MAGI3: variants seen among roughly 807,000 people sequenced by gnomAD.
MAGI3 encodes the protein membrane associated guanylate kinase, WW and PDZ domain containing 3, also known as membrane-associated guanylate kinase, WW and PDZ domain-containing protein 3.
In MAGI3, 43 loss-of-function variants were observed where a neutral mutation model predicts 121.8. The observed-to-expected ratio is 0.35, with a 90% CI of 0.28 to 0.46. The LOEUF (loss-of-function observed/expected upper bound fraction) is 0.46, where lower values mean the gene tolerates loss of function less well. MAGI3 is among the 20% of genes least tolerant of loss of function. The pLI is 1.00. For missense variants in MAGI3, 1,547 were observed against 1,797.3 expected (o/e 0.86, Z 2.52); for synonymous variants, 553 against 639.3 (o/e 0.86, Z 2.04).
intron 1 of MAGI3, among the ~76,000 whole-genome samples, chr1:113,519,179 CT>C (rs1371589921): frequency 6.6e-6 from 1 of 151,686 alleles, no homozygotes; most frequent in Non-Finnish European, 1.5e-5. Flanking sequence ...TTTATGTGAA[CT>C]TGGGGGTGGG....
intron 1 of MAGI3, among the ~76,000 whole-genome samples, chr1:113,401,742 C>T (rs1651419037): frequency 6.6e-6 from 1 of 152,130 alleles, no homozygotes; most frequent in South Asian, 2.1e-4. Context: ...AATTAGGGAT[C>T]TTTTATAAGT....
chr1:113,512,828 G>C (rs968582299), intron 1 of MAGI3, among the ~76,000 whole-genome samples: 3 of 152,194 alleles, frequency 2.0e-5, no homozygotes, highest in Admixed American at 1.3e-4. Context: ...AAAAGAGGAA[G>C]TCAAATTGTC....
intron 1 of MAGI3, among the ~76,000 whole-genome samples, chr1:113,410,488 A>G (rs1651917827): frequency 6.6e-6 from 1 of 152,066 alleles, no homozygotes; most frequent in Non-Finnish European, 1.5e-5. Flanking sequence ...ATACATGGTC[A>G]AAAAATGTGA....
intron 1 of MAGI3, chr1:113,404,437 CAA>C (rs1377021590): frequency 4.6e-5 from 7 of 152,100 alleles, no homozygotes; most frequent in African/African-American, 1.7e-4. Context: ...TTAATAAAAA[CAA>C]AGATAAATAC....
intron 1 of MAGI3, among the ~76,000 whole-genome samples, chr1:113,538,412 A>C (rs1467723580): frequency 6.6e-6 from 1 of 152,186 alleles, no homozygotes; most frequent in Non-Finnish European, 1.5e-5. Flanking sequence ...ATATAATATG[A>C]CTCAGTTATT....
intron 14 of MAGI3, among the ~76,000 whole-genome samples, chr1:113,652,426 A>G (rs747040581): frequency 1.3e-5 from 2 of 152,226 alleles, no homozygotes; most frequent in Non-Finnish European, 2.9e-5. Context: ...TTATTGCAAC[A>G]TTCAAAGTAA....
chr1:113,397,915 A>C (rs1280444045), intron 1 of MAGI3, among the ~76,000 whole-genome samples: 1 of 152,210 alleles, frequency 6.6e-6, no homozygotes, highest in African/African-American at 2.4e-5. Flanking sequence ...TTGCTAGCCT[A>C]GGAAAAAGGG....
At chr1:113,428,040 T>G (rs1050691473) in intron 1 of MAGI3, among the ~76,000 whole-genome samples, 3 of 152,182 alleles carry the variant, frequency 2.0e-5, no homozygotes, top group African/African-American at 7.2e-5. Context: ...ATTCCTCATA[T>G]TCTCCATTTT....
intron 4 of MAGI3, 38 bp from the exon 5 acceptor site, chr1:113,590,446 A>T (rs748891433): frequency 1.3e-6 from 2 of 1,599,066 alleles, no homozygotes; most frequent in African/African-American, 1.3e-5. Flanking sequence ...ATATAACTTT[A>T]CCCACTTTTC....
chr1:113,633,296 C>T (rs74998706), intron 9 of MAGI3, among the ~76,000 whole-genome samples: 1 of 99,996 alleles, frequency 1.0e-5, no homozygotes, highest in Non-Finnish European at 1.8e-5. Flanking sequence ...GAGTCTCGCT[C>T]TGTCGCCCAG....
intron 1 of MAGI3, among the ~76,000 whole-genome samples, chr1:113,507,310 C>T (rs1657381548): frequency 6.6e-6 from 1 of 152,126 alleles, no homozygotes; most frequent in Non-Finnish European, 1.5e-5. Context: ...TAAGCCTACT[C>T]AGCATGGCAT....
At position 113,641,920 on chromosome 1, in the gene MAGI3, T is replaced by C. The variant is rs1390533501; in HGVS notation, c.1370T>C (p.Ile457Thr). 1.9e-6 allele frequency: 3 copies of C among 1,581,584 alleles called. No individual in the cohort carries two copies. The highest frequency in any genetic ancestry group is 2.6e-6 in the Non-Finnish European group (3 of 1,155,372). Reference sequence around the variant, plus strand: ...GATTATGTTTTTCCAGGCGATGTTATTGTAGACATCAATGGCAACTGTGTC... The same window carrying C: ...GATTATGTTTTTCCAGGCGATGTTACTGTAGACATCAATGGCAACTGTGTC... ...QDGKIAPGDV[I>T]VDINGNCVLG... is the part of the protein sequence containing the mutation. Residue 457 changes from isoleucine (I) to threonine (T), a missense_variant, in exon 10 of 21, where the codon ATT (isoleucine) becomes ACT (threonine). Ile to Thr is a moderately conservative substitution (Grantham distance 89). Transcript: ENST00000307546.
At chr1:113,562,179 G>A (rs1660266836) in intron 2 of MAGI3, among the ~76,000 whole-genome samples, 1 of 152,210 alleles carries the variant, frequency 6.6e-6, no homozygotes, top group Non-Finnish European at 1.5e-5. Context: ...GCCAAGGCGG[G>A]CAGATCACGA....
chr1:113,434,227 G>A (rs956487473), intron 1 of MAGI3, among the ~76,000 whole-genome samples: 1 of 152,244 alleles, frequency 6.6e-6, no homozygotes, highest in Non-Finnish European at 1.5e-5. Context: ...GAGCTAAATG[G>A]TGTTTGCTGT....
chr1:113,527,646 A>C (rs1028458746), intron 1 of MAGI3, among the ~76,000 whole-genome samples: 2 of 152,170 alleles, frequency 1.3e-5, no homozygotes, highest in African/African-American at 2.4e-5. Flanking sequence ...AAAATCATTC[A>C]TCTATTGAGG....
At chr1:113,542,865 A>G (rs979572382) in intron 1 of MAGI3, among the ~76,000 whole-genome samples, 4 of 152,094 alleles carry the variant, frequency 2.6e-5, no homozygotes, top group Non-Finnish European at 5.9e-5. Flanking sequence ...GGCTCTGAAG[A>G]CAGATTGACT....
rs552695862 is a variant in MAGI3, at chr1:113,640,231, T to C, written c.1361-1680T>C. 1.5e-4 allele frequency among the ~76,000 whole-genome samples: 23 copies of C among 152,234 alleles called. No homozygotes were observed. In the South Asian group the frequency reaches 4.8e-3, roughly 32 times the overall value. ...TGATTATTAAAAAATCAAGAAACAATAGATGCTGGCAAGGCTGTGGAGAAA... is the reference window on the plus strand; with the variant it reads ...TGATTATTAAAAAATCAAGAAACAACAGATGCTGGCAAGGCTGTGGAGAAA... On this transcript the variant is annotated intron_variant, in intron 9 of 20. Transcript: ENST00000307546.
intron 16 of MAGI3, 101 bp downstream of exon 16, chr1:113,659,366 A>G (rs1653660734): frequency 9.1e-7 from 1 of 1,104,718 alleles, no homozygotes; most frequent in Non-Finnish European, 1.3e-6. Flanking sequence ...CACTGCGGGG[A>G]TATAACTGTG....
intron 1 of MAGI3, among the ~76,000 whole-genome samples, chr1:113,449,311 T>TA (rs1654352623): frequency 6.6e-6 from 1 of 151,654 alleles, no homozygotes; most frequent in Non-Finnish European, 1.5e-5. Flanking sequence ...CGTTTAGTCT[T>TA]ACTTTGAGGC....
Sources: allele counts gnomAD v4.1 joint callset (sites outside exome capture counted in the v4.1 genomes callset), GRCh38; gene constraint gnomAD v4.1.1; transcripts MANE v1.5; gene names NCBI Gene and HGNC (gene_info 2026-07-23, HGNC 2026-07-21).